The following PPP1R16B variants were observed in gnomAD, a reference collection of about 807,000 sequenced individuals.
PPP1R16B encodes the protein protein phosphatase 1 regulatory inhibitor subunit 16B.
In PPP1R16B, 14 loss-of-function variants were observed where a neutral mutation model predicts 61.7. The ratio of observed to expected loss-of-function variants is 0.23; its 90% CI spans 0.15 to 0.35. The LOEUF is 0.35. Among genes scored for constraint, PPP1R16B ranks in the 10% least tolerant of loss-of-function variants. PPP1R16B has a pLI of 1.00. For synonymous variants in PPP1R16B, 266 were observed against 305.3 expected (o/e 0.87, Z 1.34); for missense variants, 547 against 752.5 (o/e 0.73, Z 3.19).
At chr20:38,888,598 G>C (rs1194392859) in intron 2 of PPP1R16B, among the ~76,000 whole-genome samples, 1 of 152,286 alleles carries the variant, frequency 6.6e-6, no homozygotes, top group South Asian at 2.1e-4. Context: ...CATCCACGGG[G>C]AGAGGCAAAG....
intron 2 of PPP1R16B, among the ~76,000 whole-genome samples, chr20:38,884,072 G>A (rs530491503): frequency 2.0e-5 from 3 of 152,286 alleles, no homozygotes; most frequent in South Asian, 4.1e-4. Context: ...ACTCCTGGCC[G>A]AAGGGAATAA....
intron 4 of PPP1R16B, 101 bp from the exon 5 acceptor site, chr20:38,900,480 G>T: frequency 1.2e-6 from 1 of 854,914 alleles, no homozygotes; most frequent in Non-Finnish European, 1.8e-6. Flanking sequence ...TTGAGTGCCG[G>T]GTTGTACAGT....
In PPP1R16B at chr20:38,918,969, G is replaced by C. The variant is rs1568689787; in HGVS notation, c.*303G>C. ...TCCCAGCTCTATTCTTGGTATAAAG[G>C]CTTCTCCGGATCAGTACATGCATGT... On this transcript the variant is annotated 3_prime_UTR_variant, in exon 11 of 11. Coordinates refer to ENST00000299824, the MANE Select transcript of PPP1R16B (RefSeq NM_015568.4). The surrounding 1 kb of genome is among the most constrained non-coding windows in gnomAD (Gnocchi z 5.3). 5 of 323,186 alleles carry C rather than the reference G, an allele frequency of 1.5e-5. No individual in the cohort carries two copies. In the East Asian group the frequency reaches 1.6e-4, roughly 10 times the overall value. The allele number at this position is 323,186 out of a possible 1,614,324, so 20.0% of individuals were successfully genotyped here.
intron 2 of PPP1R16B, among the ~76,000 whole-genome samples, chr20:38,855,728 C>T (rs570518810): frequency 1.1e-4 from 16 of 151,680 alleles, no homozygotes; most frequent in African/African-American, 3.6e-4. Flanking sequence ...AGGGCCATGC[C>T]ACCCACCCAG....
chr20:38,873,743 G>GTTTTT lies in PPP1R16B; in HGVS notation c.251-15843_251-15839dup, dbSNP rs36003556. On this transcript the variant is annotated intron_variant, in intron 2 of 10. Transcript: ENST00000299824. ...ACAGAAGCTGAAACATCTTTTTTTTGTTTTTTTTTTTTTGAGATGGAGTCT... is the reference window on the plus strand; with the variant it reads ...ACAGAAGCTGAAACATCTTTTTTTTGTTTTTTTTTTTTTTTTTTGAGATGGAGTCT... Among the ~76,000 whole-genome samples, 22 of 140,744 alleles carry GTTTTT rather than the reference G, an allele frequency of 1.6e-4. 1 individual carries two copies. Among genetic ancestry groups the GTTTTT allele is most frequent in the South Asian group, 2.2e-4 (1 of 4,466 alleles). The allele number at this position is 140,744 out of a possible 152,430, so 92.3% of individuals were successfully genotyped here.
At chr20:38,877,052 C>T (rs1019343954) in intron 2 of PPP1R16B, among the ~76,000 whole-genome samples, 4 of 152,070 alleles carry the variant, frequency 2.6e-5, no homozygotes, top group Admixed American at 2.0e-4. Flanking sequence ...AGCATTTTCC[C>T]ATGTCATTAG....
chr20:38,861,615 C>A (rs1361918801), intron 2 of PPP1R16B, among the ~76,000 whole-genome samples: 1 of 151,628 alleles, frequency 6.6e-6, no homozygotes, highest in Non-Finnish European at 1.5e-5. Flanking sequence ...CAGCCTGCAT[C>A]AATCTGCTGT....
chr20:38,812,250 G>A (rs1382501066), intron 1 of PPP1R16B, among the ~76,000 whole-genome samples: 2 of 152,174 alleles, frequency 1.3e-5, no homozygotes, highest in African/African-American at 4.8e-5. Context: ...TACAGGACCC[G>A]TCTTTATCTG....
intron 1 of PPP1R16B, among the ~76,000 whole-genome samples, chr20:38,811,350 G>A (rs1328168625): frequency 6.6e-6 from 1 of 152,160 alleles, no homozygotes. Flanking sequence ...GCCTCCACTG[G>A]CTTTGGGGCC....
intron 2 of PPP1R16B, among the ~76,000 whole-genome samples, chr20:38,885,851 C>T (rs2085240937): frequency 6.6e-6 from 1 of 152,192 alleles, no homozygotes; most frequent in African/African-American, 2.4e-5. Flanking sequence ...TCTCGGCTCA[C>T]TGCAACCTCT....
chr20:38,910,637 G>A (rs908660152), intron 10 of PPP1R16B, among the ~76,000 whole-genome samples: 10 of 150,952 alleles, frequency 6.6e-5, no homozygotes, highest in Admixed American at 2.0e-4. Context: ...GGGATCAAGC[G>A]ATCCTCCCAC....
chr20:38,897,390 A>G (rs1206032002), intron 4 of PPP1R16B, among the ~76,000 whole-genome samples: 2 of 152,222 alleles, frequency 1.3e-5, no homozygotes, highest in African/African-American at 4.8e-5. Flanking sequence ...TTCACTTAGC[A>G]TAATGTCCTC....
intron 2 of PPP1R16B, among the ~76,000 whole-genome samples, chr20:38,888,001 CT>C (rs2085258936): frequency 6.6e-6 from 1 of 152,238 alleles, no homozygotes; most frequent in African/African-American, 2.4e-5. Context: ...TCTTTTTCCC[CT>C]GGCACCCCCT....
intron 2 of PPP1R16B, among the ~76,000 whole-genome samples, chr20:38,876,906 A>T (rs1221893528): frequency 1.3e-5 from 2 of 152,234 alleles, no homozygotes; most frequent in Non-Finnish European, 2.9e-5. Flanking sequence ...AAAATCCCTG[A>T]TAAATCATAG....
At chr20:38,887,614 T>C (rs1420604515) in intron 2 of PPP1R16B, among the ~76,000 whole-genome samples, 1 of 152,236 alleles carries the variant, frequency 6.6e-6, no homozygotes, top group African/African-American at 2.4e-5. Context: ...ACCAACCACT[T>C]GAAACTGAGC....
At chr20:38,808,904 A>G (rs896106732) in intron 1 of PPP1R16B, among the ~76,000 whole-genome samples, 1 of 152,082 alleles carries the variant, frequency 6.6e-6, no homozygotes, top group African/African-American at 2.4e-5. Flanking sequence ...ATGGTGGCGC[A>G]TGCCTGTAGT....
In PPP1R16B at chr20:38,906,283, G is replaced by GTTT. The variant is rs907617949; in HGVS notation, c.822+215_822+217dup. ...AAAAACATTGGACAAAGCAAGTTGTGTTTTTTTTTTTTTTTTTTTTTTTTT... is the reference window on the plus strand; with the variant it reads ...AAAAACATTGGACAAAGCAAGTTGTGTTTTTTTTTTTTTTTTTTTTTTTTTTTT... On this transcript the variant is annotated intron_variant, in intron 7 of 10. Transcript: ENST00000299824. Among the ~76,000 whole-genome samples the GTTT allele has an allele frequency of 7.0e-4, 71 of 101,246 alleles. 5 individuals carry two copies. Among genetic ancestry groups the GTTT allele is most frequent in the East Asian group, 3.5e-3 (9 of 2,550 alleles). 66.4% of individuals were successfully genotyped at this position (101,246 alleles called of 152,430 possible).
intron 2 of PPP1R16B, among the ~76,000 whole-genome samples, chr20:38,847,944 A>AT (rs906168969): frequency 4.0e-5 from 6 of 151,856 alleles, no homozygotes; most frequent in South Asian, 4.2e-4. Flanking sequence ...AAATCATTTT[A>AT]TTTTTTTTAT....
intron 2 of PPP1R16B, among the ~76,000 whole-genome samples, chr20:38,839,967 A>C (rs1193491131): frequency 6.6e-6 from 1 of 152,250 alleles, no homozygotes; most frequent in Non-Finnish European, 1.5e-5. Flanking sequence ...GAAAAGTGCT[A>C]GACCCCATGG....
Sources: gnomAD v4.1 joint callset for allele counts (sites outside exome capture counted in the v4.1 genomes callset) on GRCh38, gnomAD v4.1.1 for gene constraint, Gnocchi (gnomAD v3.1) non-coding constraint, MANE v1.5 for transcripts, NCBI Gene and HGNC (gene_info 2026-07-23, HGNC 2026-07-21) for gene names.